The following MYO7B variants were observed in gnomAD, a reference collection of about 807,000 sequenced individuals.
MYO7B encodes the protein myosin VIIB, also known as unconventional myosin-VIIb.
A neutral mutation model predicts 259.7 loss-of-function variants in MYO7B; 212 were observed. The observed-to-expected ratio is 0.82, with a 90% CI of 0.73 to 0.91. The LOEUF (loss-of-function observed/expected upper bound fraction) is 0.91, where lower values mean the gene tolerates loss of function less well. MYO7B is among the 40% of genes least tolerant of loss of function. The pLI, the probability that MYO7B is intolerant of heterozygous loss-of-function variation, is 0.00. For missense variants in MYO7B, 2,732 were observed against 2,813.5 expected, an observed-to-expected ratio of 0.97 and a Z score of 0.66; for synonymous variants, 1,197 against 1,166.4, an observed-to-expected ratio of 1.03 and a Z score of -0.54.
chr2:127,617,779 G>A lies in MYO7B; in HGVS notation c.3399-2561G>A, dbSNP rs144667708. Among the ~76,000 whole-genome samples the A allele has an allele frequency of 1.3e-3, 198 of 151,212 alleles. No homozygotes were observed. In the East Asian group the frequency reaches 0.03, roughly 23 times the overall value. ...GGCCTCCCAAAGTGCTGGGATTACAGGCGTGAGCCACCGCGCCCGGCCTTG... is the reference window on the plus strand; with the variant it reads ...GGCCTCCCAAAGTGCTGGGATTACAAGCGTGAGCCACCGCGCCCGGCCTTG... On this transcript the variant is annotated intron_variant, in intron 26 of 47. Transcript: ENST00000409816.
At chr2:127,632,131 C>T in intron 38 of MYO7B, 115 bp from the exon 39 acceptor site, 1 of 1,253,554 alleles carries the variant, frequency 8.0e-7, no homozygotes. Flanking sequence ...GGTGCCCTCC[C>T]CCTCGGGCCC....
chr2:127,629,679 C>A lies in MYO7B; in HGVS notation c.4659C>A (p.Asp1553Glu), dbSNP rs1681355477. The A allele has an allele frequency of 1.2e-6, 2 of 1,612,228 alleles. No homozygotes were observed. Among genetic ancestry groups the A allele is most frequent in the African/African-American group, 1.3e-5 (1 of 74,892 alleles). ...DTTLLAFKKG[D>E]LLVLTKKQGL... is the part of the protein sequence containing the mutation. ...CCCTCCTGGCCTTCAAGAAGGGGGACCTGTTGGTCCTCACAAAGAAGCAGG... is the reference window on the plus strand; with the variant it reads ...CCCTCCTGGCCTTCAAGAAGGGGGAACTGTTGGTCCTCACAAAGAAGCAGG... Residue 1553 changes from aspartate to glutamate, a missense_variant, in exon 35 of 48, where the codon GAC becomes GAA. Around this residue, in one of 3 missense-constraint regions of MYO7B, gnomAD observed 821 missense variants for 769.3 expected, o/e 1.07. Coordinates refer to ENST00000409816, the MANE Select transcript of MYO7B (RefSeq NM_001393586.1).
intron 10 of MYO7B, 34 bp downstream of exon 10, chr2:127,580,856 T>TG (rs769789326): frequency 6.3e-7 from 1 of 1,595,462 alleles, no homozygotes; most frequent in Non-Finnish European, 8.6e-7. Flanking sequence ...TCCATTTTGG[T>TG]GGGGGGCCTC....
chr2:127,602,990 A>G (rs1301268552), intron 19 of MYO7B, among the ~76,000 whole-genome samples: 4 of 151,156 alleles, frequency 2.6e-5, no homozygotes, highest in Non-Finnish European at 4.4e-5. Context: ...ACAGAGTGAG[A>G]CCTTGTCTCA....
In MYO7B at chr2:127,592,898, G is replaced by C. The variant is rs1444542553; in HGVS notation, c.2097G>C (p.Glu699Asp). 1 of 1,607,838 alleles carries C rather than the reference G, an allele frequency of 6.2e-7. No individual in the cohort carries two copies. The highest frequency in any genetic ancestry group is 8.5e-7 in the Non-Finnish European group (1 of 1,177,772). The change falls in exon 17 of 48, where the codon GAG (glutamate) becomes GAC (aspartate). Residue 699 changes from glutamate to aspartate, a missense_variant. By Grantham distance (45) the Glu-to-Asp change is conservative (BLOSUM62 2). This residue lies in a region of MYO7B where 1,906 missense variants were observed against 2,026.4 expected (regional missense o/e 0.94). Coordinates refer to ENST00000409816, the MANE Select transcript of MYO7B (RefSeq NM_001393586.1). ...TCCCCATCCGCTACACGTTCGAGGA[G>C]TTCTCGCAGAGGTTCGGCGTGTTGC... is the stretch of plus-strand genomic sequence containing the variant. ...SGFPIRYTFE[E>D]FSQRFGVLLP...
At position 127,614,338 on chromosome 2, in the gene MYO7B, G is replaced by A. The variant is rs1454114872; in HGVS notation, c.3398+1735G>A. ...AGAAAATGGGCTGCCTGCTTGTGTG[G>A]GATCCCATCTAGATGCCTGAAGCTC... On this transcript the variant is annotated intron_variant, in intron 26 of 47. Coordinates refer to ENST00000409816, the MANE Select transcript of MYO7B (RefSeq NM_001393586.1). This position sits in a 1 kb window ranked among gnomAD's most constrained non-coding sequence, Gnocchi z 4.6. 3.3e-5 allele frequency among the ~76,000 whole-genome samples: 5 copies of A among 152,006 alleles called. No individual in the cohort carries two copies. The highest frequency in any genetic ancestry group is 7.4e-5 in the Non-Finnish European group (5 of 68,010).
intron 1 of MYO7B, among the ~76,000 whole-genome samples, chr2:127,550,393 C>G (rs548154304): frequency 6.6e-6 from 1 of 152,088 alleles, no homozygotes; most frequent in South Asian, 2.1e-4. Context: ...TGGAGAAACC[C>G]CATCTCTACT....
chr2:127,559,760 A>G lies in MYO7B; in HGVS notation c.18+20A>G, dbSNP rs1053942086. On this transcript the variant is annotated intron_variant, in intron 2 of 47. Coordinates refer to ENST00000409816, the MANE Select transcript of MYO7B (RefSeq NM_001393586.1). The surrounding 1 kb of genome is among the most constrained non-coding windows in gnomAD (Gnocchi z 4.1). ...AGGCTGGTAAGAATTGTATGATTTG[A>G]TCTAGGGGTTATTGGTGTAAGTTAC... The G allele has an allele frequency of 1.2e-5, 20 of 1,613,692 alleles. No individual in the cohort carries two copies. The African/African-American group carries it at 2.4e-4, about 19-fold the overall frequency.
chr2:127,592,573 G>T (rs1404064813), intron 16 of MYO7B, among the ~76,000 whole-genome samples: 3 of 150,760 alleles, frequency 2.0e-5, no homozygotes, highest in Non-Finnish European at 4.4e-5. Flanking sequence ...ACAACATTAC[G>T]GGTTTTTCAA....
intron 12 of MYO7B, among the ~76,000 whole-genome samples, chr2:127,582,825 T>A (rs187586465): frequency 1.3e-5 from 2 of 152,326 alleles, no homozygotes; most frequent in African/African-American, 4.8e-5. Context: ...TTGCAGACCA[T>A]CCCTGATTTT....
intron 26 of MYO7B, chr2:127,620,125 C>T (rs1282395366): frequency 1.2e-5 from 5 of 422,746 alleles, no homozygotes; most frequent in Admixed American, 4.0e-5. Flanking sequence ...CCTAAAGGAC[C>T]GAGAGCACAG....
chr2:127,588,572 C>T lies in MYO7B; in HGVS notation c.1854+17C>T. 1.2e-6 allele frequency: 2 copies of T among 1,612,288 alleles called. No individual in the cohort carries two copies. The highest frequency in any genetic ancestry group is 1.7e-6 in the Non-Finnish European group (2 of 1,179,534). The stretch of plus-strand genomic sequence containing the variant: ...CTCTTCAAGGTGGGCTCCCAGGCAC[C>T]CTCCTGGGTCTGTCACCCCTGATGG... On this transcript the variant is annotated intron_variant, in intron 15 of 47. Coordinates refer to ENST00000409816, the MANE Select transcript of MYO7B (RefSeq NM_001393586.1).
At position 127,607,097 on chromosome 2, in the gene MYO7B, A is replaced by G. The variant is rs1680181116; in HGVS notation, c.2425-109A>G. The stretch of plus-strand genomic sequence containing the variant: ...ATTCTAGCACCGGCCCTTTGCCAAA[A>G]CAAAACTAACTGTAAATCTATCTTG... On this transcript the variant is annotated intron_variant, in intron 20 of 47. Coordinates refer to ENST00000409816, the MANE Select transcript of MYO7B (RefSeq NM_001393586.1). The surrounding 1 kb of genome is among the most constrained non-coding windows in gnomAD (Gnocchi z 4.4). The G allele has an allele frequency of 9.0e-7, 1 of 1,113,634 alleles. No homozygotes were observed. Among genetic ancestry groups the G allele is most frequent in the Admixed American group, 2.7e-5 (1 of 36,660 alleles). The allele number at this position is 1,113,634 out of a possible 1,614,324, so 69.0% of individuals were successfully genotyped here. A position where few individuals can be genotyped will look rare whatever the true frequency, so the allele number is the denominator to read the frequency against.
chr2:127,547,840 G>A (rs146743845), intron 1 of MYO7B, among the ~76,000 whole-genome samples: 20 of 152,234 alleles, frequency 1.3e-4, no homozygotes, highest in African/African-American at 4.3e-4. Flanking sequence ...CTCATAGAAC[G>A]AGTTAGAAAG....
In MYO7B at chr2:127,619,497, C is replaced by T. The variant is rs190498970; in HGVS notation, c.3399-843C>T. ...TCCAGTTTGGGTGAATGGCTGATGG[C>T]GATGCCTGTAGACCACAGAAAGAGG... On this transcript the variant is annotated intron_variant, in intron 26 of 47. Transcript: ENST00000409816. Among the ~76,000 whole-genome samples, 524 of 152,126 alleles carry T rather than the reference C, an allele frequency of 3.4e-3. 3 individuals are homozygous for T. The highest frequency in any genetic ancestry group is 0.012 in the African/African-American group (483 of 41,474).
intron 19 of MYO7B, among the ~76,000 whole-genome samples, chr2:127,601,327 A>G (rs761606524): frequency 2.6e-5 from 4 of 152,248 alleles, no homozygotes; most frequent in African/African-American, 4.8e-5. Context: ...AAAAATGTCA[A>G]TTAGATCTTG....
intron 16 of MYO7B, 63 bp from the exon 17 acceptor site, chr2:127,592,731 C>T (rs1233519174): frequency 4.5e-6 from 7 of 1,550,856 alleles, no homozygotes; most frequent in African/African-American, 2.8e-5. Flanking sequence ...GGTGGGGTGC[C>T]GGGAAGGGGG....
At chr2:127,616,625 T>A (rs1368078051) in intron 26 of MYO7B, among the ~76,000 whole-genome samples, 1 of 152,194 alleles carries the variant, frequency 6.6e-6, no homozygotes, top group African/African-American at 2.4e-5. Flanking sequence ...CCGGTGGGAA[T>A]CTTAGTGAGT....
At chr2:127,602,428 A>C (rs547340026) in intron 19 of MYO7B, among the ~76,000 whole-genome samples, 44 of 152,330 alleles carry the variant, frequency 2.9e-4, no homozygotes, top group African/African-American at 1.0e-3. Context: ...CAGGAGGATC[A>C]CTTGAGGCCA....
Sources: gnomAD v4.1 joint callset for allele counts (sites outside exome capture counted in the v4.1 genomes callset) on GRCh38, gnomAD v4.1.1 for gene constraint, gnomAD v4.1.1 regional missense constraint, Gnocchi (gnomAD v3.1) non-coding constraint, MANE v1.5 for transcripts, NCBI Gene and HGNC (gene_info 2026-07-23, HGNC 2026-07-21) for gene names.